The following GSN variants were observed in gnomAD, a reference collection of about 807,000 sequenced individuals.
GSN encodes the protein actin-depolymerizing factor.
In GSN, 56 loss-of-function variants were observed where a neutral mutation model predicts 85.7. That is an observed-to-expected ratio of 0.65 (90% CI 0.53 to 0.82). The LOEUF is 0.82. Among genes scored for constraint, GSN ranks in the 40% least tolerant of loss-of-function variants. GSN has a pLI of 0.00. For synonymous variants in GSN, 373 were observed against 399.1 expected, an observed-to-expected ratio of 0.93 and a Z score of 0.78; for missense variants, 857 against 979.8, an observed-to-expected ratio of 0.87 and a Z score of 1.67.
chr9:121,228,577 G>C (rs1201227947), intron 4 of GSN, among the ~76,000 whole-genome samples: 2 of 151,266 alleles, frequency 1.3e-5, no homozygotes, highest in African/African-American at 4.9e-5. Flanking sequence ...GGGACTACAG[G>C]TGTGTGCCAC....
At chr9:121,287,525 A>G (rs114621795) in intron 2 of GSN, among the ~76,000 whole-genome samples, 121 of 152,068 alleles carry the variant, frequency 8.0e-4, no homozygotes, top group African/African-American at 2.7e-3. Context: ...CCTGCTGCAC[A>G]CCTGGTCCAC....
At chr9:121,316,980 C>G in intron 7 of GSN, 106 bp from the exon 8 acceptor site, 1 of 1,420,356 alleles carries the variant, frequency 7.0e-7, no homozygotes, top group Admixed American at 1.7e-5. Context: ...CCAGGTGTTA[C>G]TCTACAGGGC....
chr9:121,209,822 A>G (rs1319336044), intron 2 of GSN, among the ~76,000 whole-genome samples: 2 of 152,364 alleles, frequency 1.3e-5, no homozygotes, highest in African/African-American at 4.8e-5. Flanking sequence ...GAAAACCTTT[A>G]TCTGCTATCA....
chr9:121,204,641 G>A (rs1023677131), upstream of GSN, among the ~76,000 whole-genome samples: 2 of 152,176 alleles, frequency 1.3e-5, no homozygotes, highest in Non-Finnish European at 2.9e-5. Context: ...TTTTTAAAAA[G>A]TTGTTTCTAT....
Position 121,332,479 on chromosome 9 carries a change from C to T in GSN, c.2072C>T (p.Thr691Met), listed in dbSNP as rs759348434. 4.5e-5 allele frequency: 72 copies of T among 1,613,900 alleles called. 1 individual carries two copies. Among genetic ancestry groups the T allele is most frequent in the South Asian group, 9.9e-5 (9 of 91,072 alleles). ...GACCCAGCCAATCGGGATCGGCGGA[C>T]GCCCATCACCGTGGTGAAGCAAGGC... ...ETDPANRDRR[T>M]PITVVKQGFE... The change falls in exon 18 of 18, where the codon ACG (threonine) becomes ATG (methionine). Residue 691 changes from threonine to methionine, a missense_variant. By Grantham distance (81) the Thr-to-Met change is moderately conservative. Coordinates refer to ENST00000432226, the MANE Select transcript of GSN (RefSeq NM_198252.3). This position sits in a 1 kb window ranked among gnomAD's most constrained non-coding sequence, Gnocchi z 4.8.
intron 14 of GSN, 111 bp downstream of exon 14, chr9:121,327,593 C>A: frequency 2.4e-6 from 2 of 834,238 alleles, no homozygotes; most frequent in Non-Finnish European, 3.7e-6. Flanking sequence ...CACCTGAGGG[C>A]CTGTCCCCTA....
intron 6 of GSN, among the ~76,000 whole-genome samples, chr9:121,254,736 A>G (rs1271481125): frequency 6.6e-6 from 1 of 152,076 alleles, no homozygotes; most frequent in South Asian, 2.1e-4. Flanking sequence ...TTCTAATGTT[A>G]TTATTATTAT....
At chr9:121,283,026 G>A (rs1314644041) in intron 2 of GSN, 5 of 168,120 alleles carry the variant, frequency 3.0e-5, no homozygotes, top group East Asian at 1.9e-4. Flanking sequence ...TGACCTCCTC[G>A]ATGTCCAATC....
At chr9:121,324,787 A>G in intron 12 of GSN, 143 bp downstream of exon 12, 2 of 678,012 alleles carry the variant, frequency 2.9e-6, no homozygotes, top group Non-Finnish European at 5.4e-6. Flanking sequence ...CCATCCATCC[A>G]TCCATCCATG....
At chr9:121,331,307 C>G in intron 16 of GSN, 81 bp from the exon 17 acceptor site, 1 of 828,062 alleles carries the variant, frequency 1.2e-6, no homozygotes, top group Non-Finnish European at 2.1e-6. Flanking sequence ...GGTCTGATAC[C>G]TGGCCCCTCC....
At chr9:121,235,339 A>G (rs914013427) in intron 5 of GSN, among the ~76,000 whole-genome samples, 3 of 152,152 alleles carry the variant, frequency 2.0e-5, no homozygotes, top group Non-Finnish European at 2.9e-5. Context: ...CACATCTTTC[A>G]TCTCCCTTTT....
intron 5 of GSN, chr9:121,238,978 G>T (rs1001190111): frequency 4.2e-5 from 22 of 527,606 alleles, no homozygotes; most frequent in South Asian, 2.1e-4. Context: ...CACATTGATA[G>T]GTGGGTAAAT....
intron 10 of GSN, among the ~76,000 whole-genome samples, chr9:121,321,045 G>A (rs1483400673): frequency 1.3e-5 from 2 of 152,332 alleles, no homozygotes; most frequent in Non-Finnish European, 2.9e-5. Context: ...CTGGGGCAGG[G>A]CATGGTATGA....
At chr9:121,297,513 C>T (rs1381281227) in intron 2 of GSN, among the ~76,000 whole-genome samples, 6 of 152,178 alleles carry the variant, frequency 3.9e-5, no homozygotes, top group African/African-American at 1.4e-4. Context: ...CTTCCCTTTC[C>T]AGCAAACGGC....
At chr9:121,210,753 A>G (rs2053955930) in intron 3 of GSN, 1 of 152,252 alleles carries the variant, frequency 6.6e-6, no homozygotes, top group Non-Finnish European at 1.5e-5. Context: ...AGAACACATT[A>G]TAAAACATTT....
chr9:121,247,864 C>A (rs1477099417), intron 5 of GSN, among the ~76,000 whole-genome samples: 6 of 145,406 alleles, frequency 4.1e-5, no homozygotes, highest in Non-Finnish European at 9.1e-5. Context: ...AGCAACCTCA[C>A]CCCCCCACCC....
Position 121,310,770 on chromosome 9 carries a change from G to T in GSN, c.438G>T (p.Val146=), listed in dbSNP as rs1367873335. The T allele has an allele frequency of 6.2e-7, 1 of 1,614,080 alleles. No homozygotes were observed. The highest frequency in any genetic ancestry group is 1.7e-5 in the Admixed American group (1 of 60,024). ...QRLFQVKGRR[V]VRATEVPVSW... is the part of the protein sequence containing the mutation. ...TCTTCCAGGTCAAAGGGCGGCGTGT[G>T]GTCCGTGCCACCGAGGTACCTGTGT... The change falls in exon 5 of 18, where the codon GTG becomes GTT. Residue 146 remains valine, a synonymous_variant. Coordinates refer to ENST00000432226, the MANE Select transcript of GSN (RefSeq NM_198252.3).
At chr9:121,250,875 GTGTGTGTGT>G (rs2054813315) in intron 6 of GSN, among the ~76,000 whole-genome samples, 1 of 25,788 alleles carries the variant, frequency 3.9e-5, no homozygotes, top group Non-Finnish European at 7.5e-5. Flanking sequence ...TGCTTGGGGT[GTGTGTGTGT>G]GTGTGTGTGT....
chr9:121,307,639 A>G (rs2060556914), intron 4 of GSN, among the ~76,000 whole-genome samples: 1 of 152,230 alleles, frequency 6.6e-6, no homozygotes, highest in Non-Finnish European at 1.5e-5. Context: ...TTCCTGCATC[A>G]GGGGCTTGTG....
Sources: allele counts gnomAD v4.1 joint callset (sites outside exome capture counted in the v4.1 genomes callset), GRCh38; gene constraint gnomAD v4.1.1; non-coding constraint Gnocchi (gnomAD v3.1); transcripts MANE v1.5; gene names NCBI Gene and HGNC (gene_info 2026-07-23, HGNC 2026-07-21).